The following PBRM1 variants were observed in gnomAD, a reference collection of about 807,000 sequenced individuals.
PBRM1 encodes polybromo 1.
In PBRM1, 27 loss-of-function variants were observed where a neutral mutation model predicts 194.5. That is an observed-to-expected ratio of 0.14 (90% CI 0.10 to 0.19). The LOEUF is 0.19. PBRM1 is among the 10% of genes least tolerant of loss of function. The pLI is 1.00. For missense variants in PBRM1, 1,466 were observed against 2,077.2 expected, an observed-to-expected ratio of 0.71 and a Z score of 5.72; for synonymous variants, 655 against 693.2, an observed-to-expected ratio of 0.94 and a Z score of 0.87.
chr3:52,633,043 C>T (rs1577133242), intron 11 of PBRM1, among the ~76,000 whole-genome samples: 1 of 152,230 alleles, frequency 6.6e-6, no homozygotes, highest in Non-Finnish European at 1.5e-5. Flanking sequence ...GTATAAAATA[C>T]TTCCATAATG....
chr3:52,589,201 C>A (rs558843390), exon 18 of PBRM1: 1 of 1,587,952 alleles, frequency 6.3e-7, no homozygotes, highest in Non-Finnish European at 8.5e-7. Context: ...GCTGTATGTG[C>A]GATGTAAGCC....
chr3:52,549,420 C>CT (rs1381160342), intron 29 of PBRM1, among the ~76,000 whole-genome samples: 2 of 152,104 alleles, frequency 1.3e-5, no homozygotes, highest in African/African-American at 4.8e-5. Flanking sequence ...TCCACTTCAG[C>CT]CTCCCAAAGT....
chr3:52,640,917 G>A (rs968850246), intron 10 of PBRM1, among the ~76,000 whole-genome samples: 3 of 152,102 alleles, frequency 2.0e-5, no homozygotes, highest in Non-Finnish European at 4.4e-5. Context: ...GAGATCACAG[G>A]TGTGAGCCAC....
chr3:52,624,202 T>C (rs115183207), intron 13 of PBRM1, among the ~76,000 whole-genome samples: 2,066 of 152,310 alleles, frequency 0.014, 63 homozygotes, highest in African/African-American at 0.047. Flanking sequence ...GTTTTCAACC[T>C]GCCTCTTTCC....
At chr3:52,645,506 C>CTT (rs78147048) in intron 7 of PBRM1, among the ~76,000 whole-genome samples, 21 of 138,154 alleles carry the variant, frequency 1.5e-4, no homozygotes, top group African/African-American at 4.8e-4. Context: ...CTCAGCATAC[C>CTT]TTTTTTTTTT....
intron 2 of PBRM1, among the ~76,000 whole-genome samples, 193 bp from the exon 4 acceptor site, chr3:52,668,838 G>A (rs1351285335): frequency 6.7e-6 from 1 of 148,936 alleles, no homozygotes; most frequent in Non-Finnish European, 1.5e-5. Flanking sequence ...AAAGCAAGAT[G>A]CACACTCATT....
At chr3:52,593,202 G>A (rs1027208256) in intron 17 of PBRM1, among the ~76,000 whole-genome samples, 2 of 151,746 alleles carry the variant, frequency 1.3e-5, no homozygotes, top group South Asian at 4.2e-4. Flanking sequence ...GGAATGGTTT[G>A]CTCTTGCTTT....
intron 10 of PBRM1, among the ~76,000 whole-genome samples, chr3:52,637,208 T>C (rs368936540): frequency 1.6e-4 from 24 of 152,334 alleles, no homozygotes; most frequent in African/African-American, 5.8e-4. Flanking sequence ...GTAATCCTTA[T>C]ACATCTTTTC....
intron 4 of PBRM1, 29 bp from the exon 6 acceptor site, chr3:52,658,344 T>C (rs1452078149): frequency 8.9e-7 from 1 of 1,123,000 alleles, no homozygotes; most frequent in Non-Finnish European, 1.3e-6. Flanking sequence ...AAGTACTTTC[T>C]AAGAGAAATA....
chr3:52,603,492 C>T (rs2094145063), intron 17 of PBRM1, 29 bp downstream of exon 19: 2 of 1,572,792 alleles, frequency 1.3e-6, no homozygotes, highest in Admixed American at 1.8e-5. Context: ...TGCATTTTTT[C>T]ATATTCAATA....
At chr3:52,635,392 C>T (rs2095770559) in intron 10 of PBRM1, among the ~76,000 whole-genome samples, 1 of 151,962 alleles carries the variant, frequency 6.6e-6, no homozygotes, top group African/African-American at 2.4e-5. Context: ...ATGGTGAAAC[C>T]CCGTCTCTAC....
At chr3:52,658,160 A>G (rs1222056684) in intron 5 of PBRM1, 39 bp downstream of exon 6, 2 of 938,562 alleles carry the variant, frequency 2.1e-6, no homozygotes, top group African/African-American at 3.3e-5. Flanking sequence ...ACTAAAAACA[A>G]AACACTGACA....
chr3:52,625,006 G>C (rs2095402170), intron 13 of PBRM1, 65 bp from the exon 15 acceptor site: 1 of 1,064,982 alleles, frequency 9.4e-7, no homozygotes, highest in Non-Finnish European at 1.4e-6. Context: ...GGAGGGTCAT[G>C]TACAAACCAT....
At chr3:52,571,245 C>T (rs992942630) in intron 22 of PBRM1, among the ~76,000 whole-genome samples, 4 of 151,198 alleles carry the variant, frequency 2.6e-5, no homozygotes, top group Non-Finnish European at 4.4e-5. Flanking sequence ...ATCGCTTGAA[C>T]CCAGGAGGTG....
exon 1 of PBRM1, chr3:52,679,597 A>C: frequency 6.2e-7 from 1 of 1,613,358 alleles, no homozygotes; most frequent in South Asian, 1.1e-5. Flanking sequence ...GGAAGATTGG[A>C]AAGTCTCCTC....
intron 22 of PBRM1, among the ~76,000 whole-genome samples, chr3:52,570,861 G>A (rs745873651): frequency 2.0e-5 from 3 of 149,660 alleles, no homozygotes; most frequent in Admixed American, 6.6e-5. Flanking sequence ...GTGCACATGC[G>A]TGTGCAGGTG....
At chr3:52,597,657 C>T (rs1197505489) in intron 17 of PBRM1, among the ~76,000 whole-genome samples, 1 of 152,112 alleles carries the variant, frequency 6.6e-6, no homozygotes, top group Non-Finnish European at 1.5e-5. Flanking sequence ...CTCCTGGGCT[C>T]AAGTGATCCA....
chr3:52,627,823 G>C (rs903870321), intron 12 of PBRM1, among the ~76,000 whole-genome samples: 1 of 152,190 alleles, frequency 6.6e-6, no homozygotes, highest in African/African-American at 2.4e-5. Context: ...CTGCCAAACA[G>C]AGCTGAAAGT....
intron 18 of PBRM1, 102 bp from the exon 21 acceptor site, chr3:52,587,612 G>A (rs1226716515): frequency 1.8e-5 from 15 of 844,794 alleles, no homozygotes; most frequent in South Asian, 5.8e-5. Flanking sequence ...GTCTCACTAC[G>A]TTGCCCAGGC....
Sources: allele counts gnomAD v4.1 joint callset (sites outside exome capture counted in the v4.1 genomes callset), GRCh38; gene constraint gnomAD v4.1.1; transcripts MANE v1.5; gene names NCBI Gene and HGNC (gene_info 2026-07-23, HGNC 2026-07-21).